LHFPL3: variants seen among roughly 807,000 people sequenced by gnomAD.
LHFPL3 encodes LHFPL tetraspan subfamily member 3 protein.
LHFPL3 carries 5 observed loss-of-function variants against 19.3 expected under a neutral mutation model. The ratio of observed to expected loss-of-function variants is 0.26; its 90% CI spans 0.14 to 0.54. LHFPL3 has a LOEUF of 0.54. Ranked by LOEUF, LHFPL3 falls within the 20% of genes least tolerant of loss-of-function variation. The pLI, the probability that LHFPL3 is intolerant of heterozygous loss-of-function variation, is 0.94. For missense variants in LHFPL3, 249 were observed against 307.4 expected (o/e 0.81, Z 1.42); for synonymous variants, 133 against 126.2 (o/e 1.05, Z -0.36).
In LHFPL3 at chr7:104,398,878, G is replaced by A. The variant is rs1007104212; in HGVS notation, c.445+69654G>A. Reference sequence around the variant, plus strand: ...CCCTGAATACTCCCTTAGAAGCTACGTGTCCCCATATCACAACTCCTATCA... The same window carrying A: ...CCCTGAATACTCCCTTAGAAGCTACATGTCCCCATATCACAACTCCTATCA... On this transcript the variant is annotated intron_variant, in intron 1 of 2. Coordinates refer to ENST00000424859, the MANE Select transcript of LHFPL3 (RefSeq NM_199000.3). 2.6e-5 allele frequency among the ~76,000 whole-genome samples: 4 copies of A among 152,150 alleles called. No homozygotes were observed. The East Asian group carries it at 5.8e-4, about 22-fold the overall frequency.
chr7:104,863,580 T>G (rs1449068979), intron 2 of LHFPL3, among the ~76,000 whole-genome samples: 1 of 152,190 alleles, frequency 6.6e-6, no homozygotes, highest in East Asian at 1.9e-4. Context: ...ACATTTTCCT[T>G]TACATTTGCT....
At chr7:104,786,663 A>T (rs1291896365) in intron 2 of LHFPL3, 2 of 149,294 alleles carry the variant, frequency 1.3e-5, no homozygotes, top group African/African-American at 5.0e-5. Flanking sequence ...GTCCTGTCAA[A>T]TAAGACTACT....
chr7:104,592,449 C>T (rs943891110), intron 1 of LHFPL3, among the ~76,000 whole-genome samples: 4 of 9,638 alleles, frequency 4.2e-4, no homozygotes, highest in Admixed American at 1.3e-3. Context: ...AATGTTGCTG[C>T]CTGGTCCTTC....
intron 1 of LHFPL3, among the ~76,000 whole-genome samples, chr7:104,614,256 T>C (rs1254108044): frequency 1.3e-5 from 2 of 152,286 alleles, no homozygotes; most frequent in African/African-American, 4.8e-5. Context: ...CATGGTACTT[T>C]CATAAGAGTT....
intron 2 of LHFPL3, among the ~76,000 whole-genome samples, chr7:104,841,493 G>GTGGGTGT (rs372610653): frequency 7.1e-6 from 1 of 140,836 alleles, no homozygotes; most frequent in African/African-American, 2.7e-5. Flanking sequence ...CATTATGTGG[G>GTGGGTGT]GTGTGTGTGT....
At chr7:104,699,122 A>C (rs559161585) in intron 1 of LHFPL3, among the ~76,000 whole-genome samples, 91 of 152,358 alleles carry the variant, frequency 6.0e-4, no homozygotes, top group African/African-American at 2.1e-3. Context: ...TACTGTGGAA[A>C]ATGATACGGT....
intron 1 of LHFPL3, among the ~76,000 whole-genome samples, chr7:104,389,687 G>T (rs1299453436): frequency 6.6e-6 from 1 of 152,150 alleles, no homozygotes; most frequent in Non-Finnish European, 1.5e-5. Context: ...GAATAGGATT[G>T]AGAGTCCAGA....
chr7:104,474,354 G>A (rs1792966195), intron 1 of LHFPL3, among the ~76,000 whole-genome samples: 1 of 152,094 alleles, frequency 6.6e-6, no homozygotes, highest in Admixed American at 6.6e-5. Flanking sequence ...TTAGGCCTAA[G>A]GTGAATAAAA....
At chr7:104,466,196 T>C (rs1369804659) in intron 1 of LHFPL3, among the ~76,000 whole-genome samples, 1 of 152,244 alleles carries the variant, frequency 6.6e-6, no homozygotes. Flanking sequence ...TCTGAAAATT[T>C]ATATCTGTTT....
chr7:104,503,105 G>T (rs996205726), intron 1 of LHFPL3, among the ~76,000 whole-genome samples: 4 of 140,982 alleles, frequency 2.8e-5, no homozygotes, highest in African/African-American at 5.9e-5. Flanking sequence ...CACATGTTTT[G>T]TTAAAAAAAA....
intron 1 of LHFPL3, among the ~76,000 whole-genome samples, chr7:104,433,066 T>G (rs1792032110): frequency 6.6e-6 from 1 of 152,222 alleles, no homozygotes; most frequent in South Asian, 2.1e-4. Context: ...TTATATGGTT[T>G]ATATATAGAC....
chr7:104,369,587 C>A (rs1397653951), intron 1 of LHFPL3, among the ~76,000 whole-genome samples: 3 of 152,128 alleles, frequency 2.0e-5, no homozygotes, highest in Non-Finnish European at 4.4e-5. Flanking sequence ...TTATGTTTAA[C>A]TTTTAAAGAA....
At chr7:104,537,818 G>A (rs1349203103) in intron 1 of LHFPL3, among the ~76,000 whole-genome samples, 1 of 152,220 alleles carries the variant, frequency 6.6e-6, no homozygotes, top group Non-Finnish European at 1.5e-5. Flanking sequence ...GCAAATGGAT[G>A]AGGGAAGTTG....
At chr7:104,849,026 A>G (rs879906086) in intron 2 of LHFPL3, among the ~76,000 whole-genome samples, 2 of 151,892 alleles carry the variant, frequency 1.3e-5, no homozygotes, top group Non-Finnish European at 2.9e-5. Context: ...CTCTGGAGTC[A>G]AGCAATCCTC....
At chr7:104,592,464 G>A (rs2115644599) in intron 1 of LHFPL3, among the ~76,000 whole-genome samples, 1 of 77,992 alleles carries the variant, frequency 1.3e-5, no homozygotes, top group Admixed American at 1.4e-4. Flanking sequence ...TCCTTCCTCT[G>A]GAAGCTTCTT....
chr7:104,446,438 T>C (rs2116591799), intron 1 of LHFPL3, among the ~76,000 whole-genome samples: 1 of 152,364 alleles, frequency 6.6e-6, no homozygotes, highest in African/African-American at 2.4e-5. Context: ...ATTGTAAATA[T>C]GGACTGGCAG....
chr7:104,731,549 CT>C (rs1428352877), intron 1 of LHFPL3, among the ~76,000 whole-genome samples: 8 of 151,992 alleles, frequency 5.3e-5, no homozygotes, highest in African/African-American at 1.9e-4. Flanking sequence ...TATAAGAATG[CT>C]TGTGATTTTT....
intron 1 of LHFPL3, among the ~76,000 whole-genome samples, chr7:104,700,456 C>G (rs1311056401): frequency 6.6e-6 from 1 of 152,226 alleles, no homozygotes; most frequent in Non-Finnish European, 1.5e-5. Context: ...GCATGAAGGG[C>G]TCTCTTCTTC....
chr7:104,885,318 A>G (rs941409127), intron 2 of LHFPL3, among the ~76,000 whole-genome samples: 4 of 152,064 alleles, frequency 2.6e-5, no homozygotes, highest in African/African-American at 4.8e-5. Context: ...AGTCCCTGCA[A>G]TATTATCTGT....
Sources: allele counts gnomAD v4.1 joint callset (sites outside exome capture counted in the v4.1 genomes callset), GRCh38; gene constraint gnomAD v4.1.1; transcripts MANE v1.5; gene names NCBI Gene and HGNC (gene_info 2026-07-23, HGNC 2026-07-21).